Variants in ATL2 observed in about 807,000 individuals in gnomAD.
ATL2 encodes atlastin GTPase 2, also known as atlastin-2.
ATL2 carries 31 observed loss-of-function variants against 73.9 expected under a neutral mutation model. The observed-to-expected ratio is 0.42, with a 90% CI of 0.32 to 0.57. The LOEUF is 0.57. Ranked by LOEUF, ATL2 falls within the 20% of genes least tolerant of loss-of-function variation. The pLI, the probability that ATL2 is intolerant of heterozygous loss-of-function variation, is 0.14. For synonymous variants in ATL2, 291 were observed against 237.5 expected (o/e 1.23, Z -2.07); for missense variants, 738 against 702.6 (o/e 1.05, Z -0.57).
At chr2:38,303,664 G>C (rs1010977937) in intron 9 of ATL2, among the ~76,000 whole-genome samples, 1 of 152,316 alleles carries the variant, frequency 6.6e-6, no homozygotes, top group South Asian at 2.1e-4. Flanking sequence ...TTGCCTTAAA[G>C]AGGAGTAGCT....
At chr2:38,344,897 C>A (rs1669934835) in intron 1 of ATL2, among the ~76,000 whole-genome samples, 1 of 152,186 alleles carries the variant, frequency 6.6e-6, no homozygotes, top group Admixed American at 6.5e-5. Flanking sequence ...GCCATATAAA[C>A]CCTTCCTTTG....
rs556240788 is a variant in ATL2 at position 38,371,198 on chromosome 2, TAAAA to T, written c.118+5941_118+5944del. Among the ~76,000 whole-genome samples the T allele has an allele frequency of 1.9e-3, 269 of 140,004 alleles. 2 individuals are homozygous for T. Among genetic ancestry groups the T allele is most frequent in the African/African-American group, 6.3e-3 (248 of 39,080 alleles). 91.8% of individuals were successfully genotyped at this position (140,004 alleles called of 152,430 possible). ...CATTTATAGGGTTTATCTCTTTAAT[TAAAA>T]AAAAAAAAAAGAAAGAAAGAAATGG... On this transcript the variant is annotated intron_variant, in intron 1 of 12. Coordinates refer to ENST00000378954, the MANE Select transcript of ATL2 (RefSeq NM_001135673.4).
At chr2:38,303,012 G>A (rs926134609) in intron 9 of ATL2, among the ~76,000 whole-genome samples, 20 of 152,092 alleles carry the variant, frequency 1.3e-4, no homozygotes, top group Admixed American at 1.0e-3. Flanking sequence ...GAGAGACAGA[G>A]ATAACTGACC....
chr2:38,304,819 A>G (rs1418937476), intron 9 of ATL2, among the ~76,000 whole-genome samples: 1 of 152,242 alleles, frequency 6.6e-6, no homozygotes, highest in East Asian at 1.9e-4. Context: ...AAATTAAAAC[A>G]TACCACCAGA....
At chr2:38,312,892 T>C (rs1285476191) in intron 7 of ATL2, among the ~76,000 whole-genome samples, 2 of 152,116 alleles carry the variant, frequency 1.3e-5, no homozygotes, top group Non-Finnish European at 2.9e-5. Flanking sequence ...AACAGACTAA[T>C]ACACAAGTAC....
At chr2:38,315,184 G>T (rs1667963061) in intron 5 of ATL2, 100 bp downstream of exon 5, 1 of 1,182,764 alleles carries the variant, frequency 8.5e-7, no homozygotes, top group East Asian at 3.6e-5. Flanking sequence ...TTGGGAGGGG[G>T]AGGTTGCAGT....
intron 9 of ATL2, among the ~76,000 whole-genome samples, chr2:38,307,945 C>T (rs985137138): frequency 6.6e-6 from 1 of 152,070 alleles, no homozygotes; most frequent in Admixed American, 6.6e-5. Flanking sequence ...ATCCAAAAGA[C>T]AGGCAATAAC....
chr2:38,301,096 G>A (rs1033090329), intron 9 of ATL2, among the ~76,000 whole-genome samples: 1 of 151,592 alleles, frequency 6.6e-6, no homozygotes, highest in African/African-American at 2.4e-5. Flanking sequence ...TCAGCCTCCC[G>A]AGTAGCTGGG....
chr2:38,351,243 G>C (rs1456955534), intron 1 of ATL2, among the ~76,000 whole-genome samples: 2 of 152,072 alleles, frequency 1.3e-5, no homozygotes, highest in Non-Finnish European at 2.9e-5. Flanking sequence ...AGTGAAAACA[G>C]TATCTAAGTA....
At chr2:38,368,890 AC>A (rs1364995197) in intron 1 of ATL2, among the ~76,000 whole-genome samples, 2 of 152,142 alleles carry the variant, frequency 1.3e-5, no homozygotes, top group Non-Finnish European at 2.9e-5. Context: ...GGAGTTCGAG[AC>A]TAGCCTGGGC....
At chr2:38,325,837 A>G (rs1387659540) in intron 2 of ATL2, among the ~76,000 whole-genome samples, 3 of 150,774 alleles carry the variant, frequency 2.0e-5, no homozygotes, top group Non-Finnish European at 4.4e-5. Context: ...GGGAGGAGCA[A>G]TTAAATTAGC....
At chr2:38,298,676 T>C (rs1667033900) in intron 11 of ATL2, 101 bp from the exon 12 acceptor site, 1 of 1,237,070 alleles carries the variant, frequency 8.1e-7, no homozygotes, top group Non-Finnish European at 1.1e-6. Flanking sequence ...ACCACTTACA[T>C]GATTGAGTCA....
chr2:38,375,098 A>G (rs1268922708), intron 1 of ATL2, among the ~76,000 whole-genome samples: 1 of 152,240 alleles, frequency 6.6e-6, no homozygotes, highest in African/African-American at 2.4e-5. Context: ...TAAAGATCCT[A>G]CATTCCTAAA....
chr2:38,327,142 A>T (rs1558414135), intron 2 of ATL2, among the ~76,000 whole-genome samples: 1 of 152,160 alleles, frequency 6.6e-6, no homozygotes, highest in Admixed American at 6.5e-5. Flanking sequence ...TTAGCCAAAA[A>T]CCAAGGAATG....
At chr2:38,369,021 A>C (rs1671512695) in intron 1 of ATL2, among the ~76,000 whole-genome samples, 1 of 152,178 alleles carries the variant, frequency 6.6e-6, no homozygotes. Context: ...TAATATGCCC[A>C]TTTTTACCTA....
upstream of ATL2, among the ~76,000 whole-genome samples, chr2:38,378,515 G>T (rs1490366530): frequency 2.6e-5 from 4 of 152,238 alleles, no homozygotes; most frequent in Non-Finnish European, 4.4e-5. Context: ...GGGATTACAG[G>T]CGTGAGCCAC....
upstream of ATL2, chr2:38,377,299 A>ACGC (rs1055741330): frequency 4.2e-6 from 6 of 1,436,878 alleles, no homozygotes; most frequent in African/African-American, 7.4e-5. Context: ...CTGACGTCAA[A>ACGC]CGCCGCCGCC....
chr2:38,316,736 A>C (rs1017975865), intron 4 of ATL2, among the ~76,000 whole-genome samples: 2 of 152,194 alleles, frequency 1.3e-5, no homozygotes. Flanking sequence ...ACAGACAACA[A>C]AGTGGCTGCA....
chr2:38,298,331 A>G lies in ATL2; in HGVS notation c.1445T>C (p.Met482Thr), dbSNP rs1484315199. 6 of 1,614,100 alleles carry G rather than the reference A, an allele frequency of 3.7e-6. No individual in the cohort carries two copies. Among genetic ancestry groups the G allele is most frequent in the African/African-American group, 2.7e-5 (2 of 74,936 alleles). The change falls in exon 12 of 13, where the codon ATG becomes ACG. Residue 482 changes from methionine (M) to threonine (T), a missense_variant. Transcript: ENST00000378954. ...ARTPATLFAV[M>T]FAMYIISGLT... Reference sequence around the variant, plus strand: ...TCCTGAGATTATATACATAGCAAACATGACCGCAAACAGTGTGGCTGGGGT... The same window carrying G: ...TCCTGAGATTATATACATAGCAAACGTGACCGCAAACAGTGTGGCTGGGGT...
Sources: allele counts gnomAD v4.1 joint callset (sites outside exome capture counted in the v4.1 genomes callset), GRCh38; gene constraint gnomAD v4.1.1; transcripts MANE v1.5; gene names NCBI Gene and HGNC (gene_info 2026-07-23, HGNC 2026-07-21).